RPS6KC1: variants seen among roughly 807,000 people sequenced by gnomAD.
RPS6KC1 encodes the protein inactive ribosomal protein S6 kinase delta-1.
Under a neutral mutation model 103.8 loss-of-function variants are expected in RPS6KC1, and 54 were observed. The observed-to-expected ratio is 0.52, with a 90% confidence interval of 0.42 to 0.65. The LOEUF (loss-of-function observed/expected upper bound fraction) is 0.65. Among genes scored for constraint, RPS6KC1 ranks in the 30% least tolerant of loss-of-function variants. RPS6KC1 has a pLI of 0.00. For missense variants in RPS6KC1, 1,151 were observed against 1,253.8 expected (o/e 0.92, Z 1.24); for synonymous variants, 439 against 438.7 (o/e 1.00, Z -0.01).
At chr1:213,403,743 T>C in the RPS6KC1 span, among the ~76,000 whole-genome samples, 970 of 152,300 alleles carry the variant, frequency 6.4e-3, 16 homozygotes, top group African/African-American at 0.022. Flanking sequence ...TTCATTTTTA[T>C]AGATGCATAA....
chr1:213,564,352 T>C, the RPS6KC1 span, among the ~76,000 whole-genome samples: 2 of 152,216 alleles, frequency 1.3e-5, no homozygotes, highest in African/African-American at 2.4e-5. Flanking sequence ...CTAAACTCTG[T>C]AGATTACATT....
At chr1:213,093,280 G>A (rs1224937820) in intron 3 of RPS6KC1, among the ~76,000 whole-genome samples, 1 of 150,730 alleles carries the variant, frequency 6.6e-6, no homozygotes, top group Non-Finnish European at 1.5e-5. Flanking sequence ...GCGCCATCTC[G>A]GCTCACTGAA....
At chr1:213,852,981 C>T in the RPS6KC1 span, among the ~76,000 whole-genome samples, 44,084 of 152,042 alleles carry the variant, frequency 0.29, 7,237 homozygotes, top group East Asian at 0.5. Context: ...GGAAGTTCCC[C>T]ATGGACTCAG....
chr1:213,145,059 AG>A (rs1312557211), intron 6 of RPS6KC1, among the ~76,000 whole-genome samples: 1 of 152,154 alleles, frequency 6.6e-6, no homozygotes, highest in Non-Finnish European at 1.5e-5. Flanking sequence ...TGGGTGACAG[AG>A]CAAGACTCCC....
the RPS6KC1 span, among the ~76,000 whole-genome samples, chr1:213,370,608 C>T: frequency 6.6e-6 from 1 of 152,204 alleles, no homozygotes; most frequent in Non-Finnish European, 1.5e-5. Flanking sequence ...CATGCTCTTA[C>T]TGAGCCAGAG....
chr1:213,126,588 G>A (rs2085017383), intron 5 of RPS6KC1, among the ~76,000 whole-genome samples: 2 of 152,110 alleles, frequency 1.3e-5, no homozygotes, highest in African/African-American at 4.8e-5. Flanking sequence ...ATAGGGGTTG[G>A]CAAAACTATG....
At chr1:213,736,065 G>A in the RPS6KC1 span, among the ~76,000 whole-genome samples, 1 of 152,184 alleles carries the variant, frequency 6.6e-6, no homozygotes, top group African/African-American at 2.4e-5. Context: ...ATCCCAGTAA[G>A]GCAGGGACAG....
At chr1:213,762,862 A>T in the RPS6KC1 span, among the ~76,000 whole-genome samples, 2 of 148,326 alleles carry the variant, frequency 1.3e-5, no homozygotes, top group African/African-American at 5.0e-5. Context: ...TAATTTTTTT[A>T]CGTTTTTTTT....
chr1:213,135,177 A>G (rs1375127872), intron 6 of RPS6KC1, among the ~76,000 whole-genome samples: 1 of 152,098 alleles, frequency 6.6e-6, no homozygotes, highest in African/African-American at 2.4e-5. Flanking sequence ...ACTTGAAACA[A>G]TTGTGCTTTT....
At chr1:213,830,598 C>CTT in the RPS6KC1 span, among the ~76,000 whole-genome samples, 1 of 151,266 alleles carries the variant, frequency 6.6e-6, no homozygotes, top group South Asian at 2.1e-4. Flanking sequence ...CCTTCAACGG[C>CTT]CATGGTGAAA....
chr1:213,460,370 G>A, the RPS6KC1 span, among the ~76,000 whole-genome samples: 1 of 146,716 alleles, frequency 6.8e-6, no homozygotes, highest in Non-Finnish European at 1.5e-5. Flanking sequence ...TTGGTTTAAA[G>A]TCTGTTTTAT....
the RPS6KC1 span, chr1:213,841,106 A>G: frequency 1.3e-5 from 2 of 152,202 alleles, no homozygotes; most frequent in Non-Finnish European, 1.5e-5. Context: ...CCACAGAGCC[A>G]TTCCATATTA....
the RPS6KC1 span, among the ~76,000 whole-genome samples, chr1:213,685,087 T>C: frequency 4.6e-5 from 7 of 152,312 alleles, no homozygotes; most frequent in East Asian, 1.4e-3. Context: ...TCTCCTTGTA[T>C]GGTCTGCCTA....
At chr1:213,171,599 G>A (rs1220720079) in intron 7 of RPS6KC1, among the ~76,000 whole-genome samples, 4 of 152,154 alleles carry the variant, frequency 2.6e-5, no homozygotes, top group Non-Finnish European at 5.9e-5. Context: ...AAATTAATAT[G>A]TAGAATGTGT....
the RPS6KC1 span, among the ~76,000 whole-genome samples, chr1:213,403,001 G>T: frequency 3.3e-5 from 5 of 151,014 alleles, no homozygotes; most frequent in African/African-American, 1.2e-4. Flanking sequence ...GGTGGCAGGT[G>T]CCTGTAGTCC....
At chr1:213,320,678 G>A in the RPS6KC1 span, among the ~76,000 whole-genome samples, 2 of 152,158 alleles carry the variant, frequency 1.3e-5, no homozygotes, top group East Asian at 3.8e-4. Context: ...TCTCCCTCCG[G>A]GATCATCAGA....
At chr1:213,206,374 T>C (rs1481117257) in intron 8 of RPS6KC1, among the ~76,000 whole-genome samples, 1 of 152,212 alleles carries the variant, frequency 6.6e-6, no homozygotes, top group Non-Finnish European at 1.5e-5. Context: ...ATTTATCAAT[T>C]TAACAAATAC....
chr1:213,583,839 GAAAAAAGAA>G, the RPS6KC1 span, among the ~76,000 whole-genome samples: 68 of 123,780 alleles, frequency 5.5e-4, no homozygotes, highest in African/African-American at 1.9e-3. Context: ...AAAAAAAAAA[GAAAAAAGAA>G]AAAAAAAGAA....
the RPS6KC1 span, among the ~76,000 whole-genome samples, chr1:213,593,008 T>C: frequency 0.024 from 3,646 of 152,202 alleles, 150 homozygotes; most frequent in African/African-American, 0.083. Context: ...AGGCCTCACA[T>C]ATGATAAGAA....
Sources: gnomAD v4.1 joint callset for allele counts (sites outside exome capture counted in the v4.1 genomes callset) on GRCh38, gnomAD v4.1.1 for gene constraint, MANE v1.5 for transcripts, NCBI Gene and HGNC (gene_info 2026-07-23, HGNC 2026-07-21) for gene names.